ZGRF1: variants seen among roughly 807,000 people sequenced by gnomAD.
ZGRF1 encodes 5'-3' DNA helicase ZGRF1.
In ZGRF1, 196 loss-of-function variants were observed where a neutral mutation model predicts 203.5. That is an observed-to-expected ratio of 0.96 (90% CI 0.86 to 1.08). The LOEUF (loss-of-function observed/expected upper bound fraction) is 1.08, where lower values mean the gene tolerates loss of function less well. ZGRF1 is among the 50% of genes least tolerant of loss of function. The pLI is 0.00. For missense variants in ZGRF1, 2,326 were observed against 2,416.3 expected (o/e 0.96, Z 0.78); for synonymous variants, 809 against 841.3 (o/e 0.96, Z 0.66).
At chr4:112,563,320 T>C (rs899020146) in intron 16 of ZGRF1, 46 bp from the exon 17 acceptor site, 2 of 1,399,086 alleles carry the variant, frequency 1.4e-6, no homozygotes, top group Non-Finnish European at 1.9e-6. Flanking sequence ...ATATACAGTA[T>C]GGTTTTATAT....
At chr4:112,634,639 A>C (rs1481507604) in intron 1 of ZGRF1, among the ~76,000 whole-genome samples, 1 of 151,486 alleles carries the variant, frequency 6.6e-6, no homozygotes, top group Admixed American at 6.6e-5. Flanking sequence ...CGACAAGAGC[A>C]AAACTGTCTC....
chr4:112,616,156 T>C (rs1294144042), intron 6 of ZGRF1, among the ~76,000 whole-genome samples: 1 of 152,166 alleles, frequency 6.6e-6, no homozygotes, highest in East Asian at 1.9e-4. Context: ...GAAGCTATCT[T>C]GTATTGCAGA....
rs570152386 is a variant in ZGRF1 at position 112,565,452 on chromosome 4, C to A, written c.4439-2178G>T. Reference sequence around the variant, plus strand: ...TCTCAAAAAAAAAAAAAAAAAAATTCTCTTCTTCCTGTTATTGGTAGTTCT... The same window carrying A: ...TCTCAAAAAAAAAAAAAAAAAAATTATCTTCTTCCTGTTATTGGTAGTTCT... On this transcript the variant is annotated intron_variant, in intron 16 of 27. Transcript: ENST00000505019. The A allele has an allele frequency of 7.0e-5, 48 of 687,014 alleles. 1 individual carries two copies. In the South Asian group the frequency reaches 7.5e-4, roughly 11 times the overall value. 42.6% of individuals were successfully genotyped at this position (687,014 alleles called of 1,614,324 possible). A position where few individuals can be genotyped will look rare whatever the true frequency, so the allele number is the denominator to read the frequency against.
At chr4:112,605,769 C>T (rs571987676) in intron 9 of ZGRF1, 196 of 448,722 alleles carry the variant, frequency 4.4e-4, no homozygotes, top group Non-Finnish European at 3.3e-4. Flanking sequence ...ATCCTATGTA[C>T]GGAAGGATAA....
intron 22 of ZGRF1, among the ~76,000 whole-genome samples, chr4:112,548,660 T>A (rs1739310846): frequency 6.6e-6 from 1 of 151,180 alleles, no homozygotes; most frequent in Non-Finnish European, 1.5e-5. Flanking sequence ...ATATCAAGCA[T>A]TTGTTAAACA....
chr4:112,599,459 C>A (rs1749574432), intron 10 of ZGRF1, among the ~76,000 whole-genome samples: 2 of 151,976 alleles, frequency 1.3e-5, no homozygotes, highest in Middle Eastern at 3.4e-3. Flanking sequence ...CTGTGGCTCA[C>A]GCCTACAGTC....
Position 112,619,580 on chromosome 4 carries a change from G to A in ZGRF1, c.462C>T (p.Phe154=). The change falls in exon 6 of 28, where the codon TTC becomes TTT. Residue 154 remains phenylalanine, a synonymous_variant. Coordinates refer to ENST00000505019, the MANE Select transcript of ZGRF1 (RefSeq NM_018392.5). Reference sequence around the variant, plus strand: ...TAGGAAACAAAGGAGGCATGCTGCAGAATGGAGAAAAAATAGTAGGGCCAG... The same window carrying A: ...TAGGAAACAAAGGAGGCATGCTGCAAAATGGAGAAAAAATAGTAGGGCCAG... ...KKTGPTIFSP[F]CSMPPLFPTV... is the part of the protein sequence containing the mutation. The A allele has an allele frequency of 1.2e-6, 2 of 1,614,060 alleles. No individual in the cohort carries two copies. The highest frequency in any genetic ancestry group is 1.3e-5 in the African/African-American group (1 of 75,046).
In ZGRF1 at chr4:112,540,003, G is replaced by A; in HGVS notation, c.6032C>T (p.Thr2011Ile). Residue 2011 changes from threonine to isoleucine, a missense_variant, in exon 27 of 28, where the codon ACA becomes ATA. Thr to Ile is a moderately conservative substitution (Grantham distance 89). Transcript: ENST00000505019. ...KEIIILSCVR[T>I]RQVGFIDSEK... ...TGAATCAATGAATCCTACTTGTCTT[G>A]TCCTTACACAGGACAGAATAATGAT... The A allele has an allele frequency of 6.2e-7, 1 of 1,613,392 alleles. No individual in the cohort carries two copies. The highest frequency in any genetic ancestry group is 1.7e-5 in the Admixed American group (1 of 59,930).
chr4:112,561,541 G>C (rs1399185693), intron 18 of ZGRF1: 1 of 152,310 alleles, frequency 6.6e-6, no homozygotes, highest in Admixed American at 6.5e-5. Context: ...TCATTGTAGT[G>C]AGAAAAATAA....
intron 3 of ZGRF1, chr4:112,629,933 C>G: frequency 3.1e-6 from 1 of 323,312 alleles, no homozygotes; most frequent in Non-Finnish European, 6.2e-6. Flanking sequence ...GCAGGATAAT[C>G]ACTTGAACCT....
At chr4:112,583,418 A>G (rs931361963) in intron 15 of ZGRF1, among the ~76,000 whole-genome samples, 4 of 152,204 alleles carry the variant, frequency 2.6e-5, no homozygotes, top group Non-Finnish European at 5.9e-5. Flanking sequence ...AGCCCCGACT[A>G]TATACAAAAT....
intron 10 of ZGRF1, among the ~76,000 whole-genome samples, chr4:112,603,050 G>T (rs1200631993): frequency 6.6e-6 from 1 of 150,958 alleles, no homozygotes; most frequent in African/African-American, 2.4e-5. Flanking sequence ...ATTATGCTTT[G>T]ACAAAAAGGG....
intron 22 of ZGRF1, among the ~76,000 whole-genome samples, chr4:112,550,318 T>TA (rs920881969): frequency 6.8e-5 from 10 of 148,064 alleles, no homozygotes; most frequent in East Asian, 5.9e-4. Context: ...TTTCAACAAT[T>TA]AAAAAAAAAA....
Position 112,569,688 on chromosome 4 carries a change from C to A in ZGRF1, c.4439-6414G>T, listed in dbSNP as rs73841078. On this transcript the variant is annotated intron_variant, in intron 16 of 27. Transcript: ENST00000505019. The stretch of plus-strand genomic sequence containing the variant: ...AAAAGCATAGTAAAATTAGAATAAA[C>A]AAAAATAATTTAAGATTAAAGAAAC... 1.9e-3 allele frequency among the ~76,000 whole-genome samples: 284 copies of A among 152,032 alleles called. 2 individuals are homozygous for A. Among genetic ancestry groups the A allele is most frequent in the African/African-American group, 6.5e-3 (271 of 41,476 alleles).
At chr4:112,588,368 CT>C (rs1338197119) in intron 11 of ZGRF1, among the ~76,000 whole-genome samples, 4 of 152,118 alleles carry the variant, frequency 2.6e-5, no homozygotes. Context: ...ACTTTACATT[CT>C]TTCCCAGAGA....
Position 112,562,476 on chromosome 4 carries a change from T to C in ZGRF1, c.4592A>G (p.His1531Arg), listed in dbSNP as rs1281617361. ...PSNWPTNMVV[H>R]ALLVCNASTE... is the part of the protein sequence containing the mutation. The stretch of plus-strand genomic sequence containing the variant: ...GCTAGCATTACAAACCAATAACGCA[T>C]GGACAACCACTGTACAGAGGATGCA... Residue 1531 changes from histidine (H) to arginine (R), a missense_variant, in exon 18 of 28, where the codon CAT becomes CGT. His to Arg is a conservative substitution (Grantham distance 29, BLOSUM62 0). Transcript: ENST00000505019. 1.9e-6 allele frequency: 3 copies of C among 1,592,350 alleles called. No homozygotes were observed. The highest frequency in any genetic ancestry group is 2.6e-6 in the Non-Finnish European group (3 of 1,163,386).
At chr4:112,568,411 AATAAG>A (rs1471435548) in intron 16 of ZGRF1, among the ~76,000 whole-genome samples, 1 of 152,164 alleles carries the variant, frequency 6.6e-6, no homozygotes, top group Non-Finnish European at 1.5e-5. Flanking sequence ...CACATAAAGA[AATAAG>A]ACTCAGAGTG....
At position 112,548,380 on chromosome 4, in the gene ZGRF1, C is replaced by A. The variant is rs897415729; in HGVS notation, c.5347G>T (p.Val1783Phe). ...LGTNRTLLKQ[V>F]RVVGVTCAAC... ...GCACAGGTAACTCCAACTACTCGAA[C>A]CTTTATTACAACAAAAATGTTATTA... is the stretch of plus-strand genomic sequence containing the variant. The change falls in exon 23 of 28, where the codon GTT (valine) becomes TTT (phenylalanine). Residue 1783 changes from valine (V) to phenylalanine (F), a missense_variant and splice_region_variant. Transcript: ENST00000505019. 8.4e-6 allele frequency: 13 copies of A among 1,545,916 alleles called. No individual in the cohort carries two copies. The African/African-American group carries it at 1.8e-4, about 21-fold the overall frequency.
intron 16 of ZGRF1, among the ~76,000 whole-genome samples, chr4:112,567,702 G>T (rs1743387654): frequency 6.6e-6 from 1 of 152,160 alleles, no homozygotes; most frequent in Non-Finnish European, 1.5e-5. Context: ...GAGTCAGGGG[G>T]ATAACTTAAG....
Sources: gnomAD v4.1 joint callset for allele counts (sites outside exome capture counted in the v4.1 genomes callset) on GRCh38, gnomAD v4.1.1 for gene constraint, MANE v1.5 for transcripts, NCBI Gene and HGNC (gene_info 2026-07-23, HGNC 2026-07-21) for gene names.